Variants in PTPRD observed in about 807,000 individuals in gnomAD.
PTPRD encodes the protein receptor-type tyrosine-protein phosphatase delta.
A neutral mutation model predicts 214.5 loss-of-function variants in PTPRD; 34 were observed. The ratio of observed to expected loss-of-function variants is 0.16; its 90% CI spans 0.12 to 0.21. The LOEUF (loss-of-function observed/expected upper bound fraction) is 0.21, where lower values mean the gene tolerates loss of function less well. Ranked by LOEUF, PTPRD falls within the 10% of genes least tolerant of loss-of-function variation. The pLI is 1.00. For missense variants in PTPRD, 2,545 were observed against 2,398.7 expected, an observed-to-expected ratio of 1.06 and a Z score of -1.27; for synonymous variants, 1,128 against 845.7, an observed-to-expected ratio of 1.33 and a Z score of -5.79.
At position 9,714,089 on chromosome 9, in the gene PTPRD, C is replaced by CAAAA. The variant is rs5896350; in HGVS notation, c.-287+20440_-287+20443dup. 0.027 allele frequency among the ~76,000 whole-genome samples: 3,454 copies of CAAAA among 126,858 alleles called. 277 individuals carry two copies. In the East Asian group the frequency reaches 0.34, roughly 12 times the overall value. The allele number at this position is 126,858 out of a possible 152,430, so 83.2% of individuals were successfully genotyped here. On this transcript the variant is annotated intron_variant, in intron 7 of 45. Coordinates refer to ENST00000381196, the MANE Select transcript of PTPRD (RefSeq NM_002839.4). ...TTTTACAAGATGTTGTTCACTTGCG[C>CAAAA]AAAAAAAAAAAAAAAAAAAAATTTG...
chr9:8,739,578 T>G (rs1291082395), intron 11 of PTPRD, among the ~76,000 whole-genome samples: 1 of 152,164 alleles, frequency 6.6e-6, no homozygotes, highest in Non-Finnish European at 1.5e-5. Flanking sequence ...AGTCAGTGTT[T>G]TTTGGAGGTG....
At chr9:9,540,260 A>AC (rs56080030) in intron 8 of PTPRD, among the ~76,000 whole-genome samples, 59,030 of 151,506 alleles carry the variant, frequency 0.39, 11,831 homozygotes, top group African/African-American at 0.43. Flanking sequence ...CATTTAACAC[A>AC]TTTTACTACG....
At position 10,438,008 on chromosome 9, in the gene PTPRD, C is replaced by CATATATATATATAT. The variant is rs71485332; in HGVS notation, c.-599-97005_-599-96992dup. On this transcript the variant is annotated intron_variant, in intron 2 of 45. Transcript: ENST00000381196. ...CTGGACTATCAGCTCCCTAAGTCTA[C>CATATATATATATAT]ATATATATATATATATATATAGTGA... Among the ~76,000 whole-genome samples, 173 of 125,144 alleles carry CATATATATATATAT rather than the reference C, an allele frequency of 1.4e-3. 9 individuals carry two copies. The highest frequency in any genetic ancestry group is 6.4e-3 in the African/African-American group (166 of 25,990). 82.1% of individuals were successfully genotyped at this position (125,144 alleles called of 152,430 possible). A position where few individuals can be genotyped will look rare whatever the true frequency, so the allele number is the denominator to read the frequency against.
chr9:8,788,891 T>C lies in PTPRD; in HGVS notation c.-103-54945A>G, dbSNP rs189507235. On this transcript the variant is annotated intron_variant, in intron 11 of 45. Transcript: ENST00000381196. ...TCCAGTACAGGCAAGATGTCTTACATGTTATGATGTTCTTATATCACCAAT... is the reference window on the plus strand; with the variant it reads ...TCCAGTACAGGCAAGATGTCTTACACGTTATGATGTTCTTATATCACCAAT... 4.8e-3 allele frequency among the ~76,000 whole-genome samples: 733 copies of C among 152,240 alleles called. 4 individuals carry two copies. Among genetic ancestry groups the C allele is most frequent in the Non-Finnish European group, 6.3e-3 (430 of 68,032 alleles).
intron 8 of PTPRD, among the ~76,000 whole-genome samples, chr9:9,538,076 A>G (rs1003242166): frequency 5.9e-5 from 9 of 151,884 alleles, no homozygotes; most frequent in African/African-American, 2.2e-4. Context: ...GGTGTAGGCC[A>G]GACTTCTTGG....
At chr9:8,408,250 T>C (rs575657711) in intron 35 of PTPRD, among the ~76,000 whole-genome samples, 1 of 152,200 alleles carries the variant, frequency 6.6e-6, no homozygotes, top group South Asian at 2.1e-4. Context: ...AAAGCTAAGC[T>C]GAGGTTACCC....
chr9:10,042,775 C>T (rs2097320779), intron 3 of PTPRD, among the ~76,000 whole-genome samples: 1 of 151,854 alleles, frequency 6.6e-6, no homozygotes, highest in African/African-American at 2.4e-5. Flanking sequence ...CCCCACCAGA[C>T]CTCATTCAAA....
chr9:10,276,567 T>G (rs1283741531), intron 3 of PTPRD, among the ~76,000 whole-genome samples: 2 of 152,186 alleles, frequency 1.3e-5, no homozygotes, highest in East Asian at 3.8e-4. Flanking sequence ...ACTTCTATAA[T>G]CTAATATCGA....
At chr9:8,793,804 T>A (rs1036008953) in intron 11 of PTPRD, among the ~76,000 whole-genome samples, 2 of 152,150 alleles carry the variant, frequency 1.3e-5, no homozygotes, top group Non-Finnish European at 2.9e-5. Flanking sequence ...ATACTGAAAG[T>A]GTGCTATAGA....
chr9:8,338,228 G>A (rs567010248), intron 43 of PTPRD, among the ~76,000 whole-genome samples: 1 of 152,096 alleles, frequency 6.6e-6, no homozygotes, highest in Admixed American at 6.6e-5. Context: ...CTTAAGATGT[G>A]TTTGTAATCA....
At chr9:9,427,986 A>G (rs886113675) in intron 8 of PTPRD, among the ~76,000 whole-genome samples, 4 of 152,220 alleles carry the variant, frequency 2.6e-5, no homozygotes, top group African/African-American at 9.6e-5. Flanking sequence ...CATCAATGCT[A>G]GGAAGAAACT....
chr9:10,167,330 T>C (rs1480680187), intron 3 of PTPRD, among the ~76,000 whole-genome samples: 1 of 152,104 alleles, frequency 6.6e-6, no homozygotes, highest in Non-Finnish European at 1.5e-5. Flanking sequence ...CGTGCACGTC[T>C]AAATAAATTA....
At position 8,315,255 on chromosome 9, in the gene PTPRD, G is replaced by C. The variant is rs536725090; in HGVS notation, c.*2619C>G. 4.3e-6 allele frequency: 1 copy of C among 232,486 alleles called. No homozygotes were observed. The highest frequency in any genetic ancestry group is 8.5e-6 in the Non-Finnish European group (1 of 117,386). 14.4% of individuals were successfully genotyped at this position (232,486 alleles called of 1,614,324 possible). Reference sequence around the variant, plus strand: ...CAGTAAGATTCCCGCAATAGTCTCCGCCTCGTTCGTCTATGGTATGCATCC... The same window carrying C: ...CAGTAAGATTCCCGCAATAGTCTCCCCCTCGTTCGTCTATGGTATGCATCC... On this transcript the variant is annotated 3_prime_UTR_variant, in exon 46 of 46. Transcript: ENST00000381196.
At chr9:8,931,650 T>C (rs1375038401) in intron 11 of PTPRD, among the ~76,000 whole-genome samples, 1 of 152,126 alleles carries the variant, frequency 6.6e-6, no homozygotes, top group Non-Finnish European at 1.5e-5. Context: ...AGCAGCCAGG[T>C]TTACGTATCA....
At chr9:9,663,715 G>C (rs2096662125) in intron 7 of PTPRD, among the ~76,000 whole-genome samples, 1 of 151,316 alleles carries the variant, frequency 6.6e-6, no homozygotes, top group Non-Finnish European at 1.5e-5. Context: ...CTTATTTATT[G>C]GCAAAATTAC....
chr9:9,349,316 G>A (rs1443455552), intron 9 of PTPRD, among the ~76,000 whole-genome samples: 1 of 152,028 alleles, frequency 6.6e-6, no homozygotes, highest in African/African-American at 2.4e-5. Context: ...CCACTACTTT[G>A]GGAAAGCAGT....
chr9:8,564,486 G>T (rs896122074), intron 14 of PTPRD, among the ~76,000 whole-genome samples: 4 of 152,004 alleles, frequency 2.6e-5, no homozygotes, highest in Admixed American at 6.6e-5. Flanking sequence ...GATCACTTGA[G>T]GAGTTTGAGT....
intron 9 of PTPRD, among the ~76,000 whole-genome samples, chr9:9,274,972 A>C (rs1944403710): frequency 7.2e-6 from 1 of 138,448 alleles, no homozygotes; most frequent in African/African-American, 2.7e-5. Context: ...GAAGTCTTGC[A>C]ATCTAATTTA....
chr9:9,500,624 A>T (rs188873788), intron 8 of PTPRD, among the ~76,000 whole-genome samples: 2 of 152,224 alleles, frequency 1.3e-5, no homozygotes, highest in Admixed American at 1.3e-4. Context: ...TGTACTAAAG[A>T]AATATTAAAG....
Sources: gnomAD v4.1 joint callset for allele counts (sites outside exome capture counted in the v4.1 genomes callset) on GRCh38, gnomAD v4.1.1 for gene constraint, MANE v1.5 for transcripts, NCBI Gene and HGNC (gene_info 2026-07-23, HGNC 2026-07-21) for gene names.